MARCHF1: variants seen among roughly 807,000 people sequenced by gnomAD.
MARCHF1 encodes membrane associated ring-CH-type finger 1, also known as E3 ubiquitin-protein ligase MARCHF1.
In MARCHF1, 40 loss-of-function variants were observed where a neutral mutation model predicts 54.2. The ratio of observed to expected loss-of-function variants is 0.74; its 90% CI spans 0.57 to 0.96. The LOEUF is 0.96. MARCHF1 is among the 40% of genes least tolerant of loss of function. The pLI, the probability that MARCHF1 is intolerant of heterozygous loss-of-function variation, is 0.00. For synonymous variants in MARCHF1, 236 were observed against 236.3 expected, an observed-to-expected ratio of 1.00 and a Z score of 0.01; for missense variants, 586 against 656.5, an observed-to-expected ratio of 0.89 and a Z score of 1.17.
intron 2 of MARCHF1, among the ~76,000 whole-genome samples, chr4:164,004,764 C>T (rs1236057864): frequency 1.3e-5 from 2 of 151,712 alleles, no homozygotes; most frequent in East Asian, 1.9e-4. Flanking sequence ...GAGAAGAAAT[C>T]TCAAAGACAA....
intron 9 of MARCHF1, chr4:163,529,944 G>A (rs758660742): frequency 6.6e-6 from 1 of 151,952 alleles, no homozygotes; most frequent in Non-Finnish European, 1.5e-5. Context: ...AAGTTGTGAA[G>A]TAGAAAAATA....
chr4:164,046,260 A>C (rs1754241254), intron 2 of MARCHF1, among the ~76,000 whole-genome samples: 1 of 152,204 alleles, frequency 6.6e-6, no homozygotes, highest in African/African-American at 2.4e-5. Flanking sequence ...TCCAAGAGGG[A>C]GACACTATTT....
At chr4:164,314,118 A>G (rs1440338844) in intron 1 of MARCHF1, among the ~76,000 whole-genome samples, 1 of 152,168 alleles carries the variant, frequency 6.6e-6, no homozygotes, top group African/African-American at 2.4e-5. Context: ...CCCATTCAGC[A>G]TGTTCTGCTG....
intron 3 of MARCHF1, among the ~76,000 whole-genome samples, chr4:163,877,326 TTCTC>T (rs1412966149): frequency 1.3e-5 from 2 of 152,172 alleles, no homozygotes; most frequent in African/African-American, 4.8e-5. Context: ...TTTAGTCTTC[TTCTC>T]TGTTTTCAAC....
intron 4 of MARCHF1, among the ~76,000 whole-genome samples, chr4:163,752,440 T>A (rs988317940): frequency 1.3e-5 from 2 of 152,218 alleles, no homozygotes; most frequent in African/African-American, 4.8e-5. Flanking sequence ...GAAGCCAGCC[T>A]ACTTGGCTTT....
chr4:164,377,297 T>C (rs1384349242), intron 1 of MARCHF1, among the ~76,000 whole-genome samples: 1 of 152,244 alleles, frequency 6.6e-6, no homozygotes, highest in African/African-American at 2.4e-5. Context: ...GAATTAACTA[T>C]ATTTCCGTGA....
At chr4:163,972,197 AG>A (rs1276871042) in intron 3 of MARCHF1, among the ~76,000 whole-genome samples, 1 of 150,342 alleles carries the variant, frequency 6.7e-6, no homozygotes, top group Non-Finnish European at 1.5e-5. Context: ...GGAGCCTATC[AG>A]GGGGTGGGGA....
intron 1 of MARCHF1, among the ~76,000 whole-genome samples, chr4:164,334,825 A>C (rs186736288): frequency 1.3e-5 from 2 of 152,296 alleles, no homozygotes; most frequent in African/African-American, 4.8e-5. Flanking sequence ...TTTGTGATTT[A>C]TGGGAGGAGG....
intron 5 of MARCHF1, among the ~76,000 whole-genome samples, chr4:163,663,237 T>TTTAA (rs1743410706): frequency 6.7e-6 from 1 of 149,814 alleles, no homozygotes; most frequent in African/African-American, 2.5e-5. Flanking sequence ...TTTTTTTTTT[T>TTTAA]AGATTTAGGG....
chr4:164,206,843 T>C (rs1560954071), intron 1 of MARCHF1, among the ~76,000 whole-genome samples: 2 of 152,206 alleles, frequency 1.3e-5, no homozygotes, highest in Admixed American at 1.3e-4. Context: ...TAATTTTATT[T>C]AATAATTGTA....
At chr4:164,292,201 TATAC>T (rs1176053086) in intron 1 of MARCHF1, among the ~76,000 whole-genome samples, 2 of 152,218 alleles carry the variant, frequency 1.3e-5, no homozygotes, top group Non-Finnish European at 2.9e-5. Context: ...TAGATTTATT[TATAC>T]ATAGATTTTT....
chr4:163,622,636 T>G (rs534824330), intron 5 of MARCHF1, among the ~76,000 whole-genome samples: 13 of 152,248 alleles, frequency 8.5e-5, no homozygotes, highest in Admixed American at 2.6e-4. Context: ...GTGGGCTGAT[T>G]AAAATATTTA....
intron 4 of MARCHF1, among the ~76,000 whole-genome samples, chr4:163,846,738 T>C (rs1200773740): frequency 6.6e-6 from 1 of 152,242 alleles, no homozygotes; most frequent in South Asian, 2.1e-4. Context: ...AGTTCTTCCA[T>C]ATTTTAAGGC....
At chr4:164,213,639 T>G (rs1428319323) in intron 1 of MARCHF1, among the ~76,000 whole-genome samples, 1 of 152,146 alleles carries the variant, frequency 6.6e-6, no homozygotes, top group Non-Finnish European at 1.5e-5. Context: ...TTATCAATAT[T>G]TTTAAAAAAT....
In MARCHF1 at chr4:163,737,660, G is replaced by C. The variant is rs189553633; in HGVS notation, c.112-36797C>G. Among the ~76,000 whole-genome samples the C allele has an allele frequency of 6.4e-3, 808 of 126,378 alleles. 201 individuals are homozygous for C. Among genetic ancestry groups the C allele is most frequent in the South Asian group, 0.014 (54 of 3,758 alleles). The allele number at this position is 126,378 out of a possible 152,430, so 82.9% of individuals were successfully genotyped here. ...GCAGCCAAAAAACACATGAAGAAAT[G>C]CTCATCATCACTGGCCATCAGAGAA... On this transcript the variant is annotated intron_variant, in intron 4 of 9. Coordinates refer to ENST00000514618, the MANE Select transcript of MARCHF1 (RefSeq NM_001394959.1).
At chr4:163,954,620 G>A (rs1318260168) in intron 3 of MARCHF1, among the ~76,000 whole-genome samples, 1 of 152,032 alleles carries the variant, frequency 6.6e-6, no homozygotes, top group African/African-American at 2.4e-5. Context: ...TTTTATTTAT[G>A]GCTATCTCAT....
intron 1 of MARCHF1, among the ~76,000 whole-genome samples, chr4:164,372,856 T>A (rs2110962535): frequency 6.6e-6 from 1 of 152,244 alleles, no homozygotes; most frequent in African/African-American, 2.4e-5. Context: ...TAAATATTAT[T>A]TATTCATTAA....
intron 7 of MARCHF1, among the ~76,000 whole-genome samples, chr4:163,593,112 AT>A (rs1740646133): frequency 6.6e-6 from 1 of 152,164 alleles, no homozygotes; most frequent in South Asian, 2.1e-4. Flanking sequence ...CCCCAGTGCC[AT>A]TTATCTTTCC....
At chr4:163,817,983 GA>G (rs745415975) in intron 4 of MARCHF1, among the ~76,000 whole-genome samples, 1 of 105,608 alleles carries the variant, frequency 9.5e-6, no homozygotes. Context: ...AGGGGGGAGG[GA>G]TAGCATTAGG....
Sources: allele counts gnomAD v4.1 joint callset (sites outside exome capture counted in the v4.1 genomes callset), GRCh38; gene constraint gnomAD v4.1.1; transcripts MANE v1.5; gene names NCBI Gene and HGNC (gene_info 2026-07-23, HGNC 2026-07-21).